TNN: variants seen among roughly 807,000 people sequenced by gnomAD.
The protein encoded by TNN is tenascin-N.
TNN carries 122 observed loss-of-function variants against 134.4 expected under a neutral mutation model. The ratio of observed to expected loss-of-function variants is 0.91; its 90% CI spans 0.78 to 1.06. The LOEUF (loss-of-function observed/expected upper bound fraction) is 1.06. Among genes scored for constraint, TNN ranks in the 50% least tolerant of loss-of-function variants. The probability of loss-of-function intolerance (pLI) is 0.00; values close to 1 mark genes in which losing one functional copy is unlikely to be tolerated. For synonymous variants in TNN, 710 were observed against 670.3 expected (o/e 1.06, Z -0.91); for missense variants, 1,739 against 1,699.4 (o/e 1.02, Z -0.41).
chr1:175,084,527 G>A (rs1674280735), intron 5 of TNN, among the ~76,000 whole-genome samples: 2 of 152,278 alleles, frequency 1.3e-5, no homozygotes, highest in South Asian at 2.1e-4. Flanking sequence ...CAATTCCAGG[G>A]CTCTTTTTTA....
At chr1:175,140,277 C>T (rs1342004914) in intron 17 of TNN, among the ~76,000 whole-genome samples, 1 of 152,234 alleles carries the variant, frequency 6.6e-6, no homozygotes, top group Non-Finnish European at 1.5e-5. Flanking sequence ...TCATGGCCAT[C>T]GGTTAGCCTC....
chr1:175,080,326 T>A lies in TNN; in HGVS notation c.948T>A (p.Tyr316Ter). The change falls in exon 4 of 19, where the codon TAT becomes TAA. Residue 316 changes from tyrosine to a stop codon, truncating the protein, a stop_gained. Coordinates refer to ENST00000239462, the MANE Select transcript of TNN (RefSeq NM_022093.2). LOFTEE classifies it high-confidence loss of function. ...QIQVPKEQHS[Y>*]EILGLLPGTK... is the part of the protein sequence containing the mutation. ...AAGTGCCCAAGGAGCAGCACAGCTA[T>A]GAGATTCTTGGTTTGCTGCCTGGAA... is the stretch of plus-strand genomic sequence containing the variant. 2 of 1,614,002 alleles carry A rather than the reference T, an allele frequency of 1.2e-6. No individual in the cohort carries two copies. The highest frequency in any genetic ancestry group is 1.7e-6 in the Non-Finnish European group (2 of 1,179,964).
chr1:175,075,383 C>T (rs923514844), intron 1 of TNN, among the ~76,000 whole-genome samples: 8 of 152,124 alleles, frequency 5.3e-5, no homozygotes, highest in East Asian at 3.9e-4. Context: ...CTGCAGCCTC[C>T]GCCTCCCGGG....
intron 1 of TNN, among the ~76,000 whole-genome samples, chr1:175,068,384 T>C (rs1462786557): frequency 6.6e-6 from 1 of 152,214 alleles, no homozygotes. Context: ...AAAACAGAAT[T>C]GTTATTTTAG....
At chr1:175,107,329 A>C (rs1447877787) in intron 9 of TNN, among the ~76,000 whole-genome samples, 2 of 129,196 alleles carry the variant, frequency 1.5e-5, no homozygotes, top group Admixed American at 7.7e-5. Context: ...AAGGTGGCGC[A>C]TCTGGAGTCT....
rs898385733 is a variant in TNN, at chr1:175,094,217, C to G, written c.1552C>G (p.Gln518Glu). Residue 518 changes from glutamine to glutamate, a missense_variant, in exon 7 of 19, where the codon CAG (glutamine) becomes GAG (glutamate). Coordinates refer to ENST00000239462, the MANE Select transcript of TNN (RefSeq NM_022093.2). ...KVYVWAERGNQGSKKADTNAL... is the reference protein window; with the variant it reads ...KVYVWAERGNEGSKKADTNAL... Reference sequence around the variant, plus strand: ...CTACGTGTGGGCTGAAAGGGGCAACCAGGGGAGCAAGAAAGCTGACACCAA... The same window carrying G: ...CTACGTGTGGGCTGAAAGGGGCAACGAGGGGAGCAAGAAAGCTGACACCAA... The G allele has an allele frequency of 6.2e-7, 1 of 1,611,314 alleles. No individual in the cohort carries two copies. Among genetic ancestry groups the G allele is most frequent in the Non-Finnish European group, 8.5e-7 (1 of 1,178,174 alleles).
chr1:175,113,730 T>C (rs935604819), intron 9 of TNN, among the ~76,000 whole-genome samples: 2 of 152,170 alleles, frequency 1.3e-5, no homozygotes, highest in African/African-American at 4.8e-5. Flanking sequence ...CCTTAGGTTT[T>C]GTAGGCTTTC....
In TNN at chr1:175,088,050, C is replaced by T. The variant is rs1337649563; in HGVS notation, c.1324+2556C>T. On this transcript the variant is annotated intron_variant, in intron 6 of 18. Coordinates refer to ENST00000239462, the MANE Select transcript of TNN (RefSeq NM_022093.2). ...CACCCTCCCCAAACCTCCACTTGTTCAGCAACCAGGAAGCACTCTGAACCC... is the reference window on the plus strand; with the variant it reads ...CACCCTCCCCAAACCTCCACTTGTTTAGCAACCAGGAAGCACTCTGAACCC... Among the ~76,000 whole-genome samples, 6 of 152,334 alleles carry T rather than the reference C, an allele frequency of 3.9e-5. No homozygotes were observed. In the East Asian group the frequency reaches 1.2e-3, roughly 29 times the overall value.
intron 15 of TNN, 106 bp from the exon 16 acceptor site, chr1:175,135,739 C>T: frequency 1.2e-6 from 1 of 814,970 alleles, no homozygotes; most frequent in South Asian, 1.5e-5. Context: ...GAAAGGCTTG[C>T]TAGCTGGAGG....
At chr1:175,126,922 A>G (rs1675542764) in intron 12 of TNN, 33 bp from the exon 13 acceptor site, 6 of 1,587,542 alleles carry the variant, frequency 3.8e-6, no homozygotes, top group Middle Eastern at 1.7e-4. Flanking sequence ...GTTGTATCTT[A>G]GTAATAACAA....
rs1447339047 is a variant in TNN at position 175,136,998 on chromosome 1, A to C, written c.3595+10A>C. The C allele has an allele frequency of 6.2e-7, 1 of 1,613,656 alleles. No individual in the cohort carries two copies. Among genetic ancestry groups the C allele is most frequent in the Non-Finnish European group, 8.5e-7 (1 of 1,179,688 alleles). ...TACAGAGGCACGGCAGGTGAGAAAA[A>C]ATGTTTTCTTACTGCGAAGGTCTCT... is the stretch of plus-strand genomic sequence containing the variant. On this transcript the variant is annotated intron_variant, in intron 17 of 18. Coordinates refer to ENST00000239462, the MANE Select transcript of TNN (RefSeq NM_022093.2).
chr1:175,069,954 G>C (rs989520470), intron 1 of TNN, among the ~76,000 whole-genome samples: 2 of 152,200 alleles, frequency 1.3e-5, no homozygotes, highest in Non-Finnish European at 2.9e-5. Flanking sequence ...GTTTTGTTTT[G>C]TTTTAATCTG....
chr1:175,116,851 G>T, intron 9 of TNN, 88 bp from the exon 10 acceptor site: 1 of 1,575,052 alleles, frequency 6.3e-7, no homozygotes, highest in Non-Finnish European at 8.7e-7. Flanking sequence ...ATAAGAACAG[G>T]AAACTGCCTT....
intron 6 of TNN, among the ~76,000 whole-genome samples, chr1:175,086,363 G>A (rs998260549): frequency 3.3e-5 from 5 of 152,126 alleles, no homozygotes; most frequent in Admixed American, 3.3e-4. Context: ...GAACAGAATT[G>A]GAAAACATGG....
At chr1:175,111,593 A>G (rs1675028062) in intron 9 of TNN, among the ~76,000 whole-genome samples, 1 of 151,132 alleles carries the variant, frequency 6.6e-6, no homozygotes, top group African/African-American at 2.4e-5. Context: ...TTGGGAGTAC[A>G]ATTTTTTTTA....
In TNN at chr1:175,111,266, C is replaced by G. The variant is rs530590827; in HGVS notation, c.2120-5673C>G. Among the ~76,000 whole-genome samples, 6 of 151,588 alleles carry G rather than the reference C, an allele frequency of 4.0e-5. No individual in the cohort carries two copies. In the South Asian group the frequency reaches 1.3e-3, roughly 32 times the overall value. ...CTGGGAGGCAGAGGTTGCAGTGAGC[C>G]AAGATCACACCATTGCACTCCAGCC... On this transcript the variant is annotated intron_variant, in intron 9 of 18. Coordinates refer to ENST00000239462, the MANE Select transcript of TNN (RefSeq NM_022093.2).
At chr1:175,106,937 C>T (rs1674871838) in intron 9 of TNN, among the ~76,000 whole-genome samples, 1 of 145,950 alleles carries the variant, frequency 6.9e-6, no homozygotes, top group Non-Finnish European at 1.5e-5. Context: ...TTTTAAATGG[C>T]TGACAGATGC....
intron 17 of TNN, among the ~76,000 whole-genome samples, chr1:175,140,460 G>A (rs910447980): frequency 2.0e-5 from 3 of 152,146 alleles, no homozygotes; most frequent in Non-Finnish European, 4.4e-5. Flanking sequence ...CTGTCCTCCC[G>A]GGCTGCACAT....
At chr1:175,100,083 C>A (rs1055587564) in intron 9 of TNN, among the ~76,000 whole-genome samples, 1 of 152,234 alleles carries the variant, frequency 6.6e-6, no homozygotes, top group Non-Finnish European at 1.5e-5. Flanking sequence ...CCTGTCTTTG[C>A]TCTGTGTCAG....
Sources: allele counts gnomAD v4.1 joint callset (sites outside exome capture counted in the v4.1 genomes callset), GRCh38; gene constraint gnomAD v4.1.1; transcripts MANE v1.5; gene names NCBI Gene and HGNC (gene_info 2026-07-23, HGNC 2026-07-21).